Variants in NCKAP5 observed in about 807,000 individuals in gnomAD.
NCKAP5 encodes nck-associated protein 5.
Under a neutral mutation model 167.0 loss-of-function variants are expected in NCKAP5, and 92 were observed. That is an observed-to-expected ratio of 0.55 (90% CI 0.47 to 0.66). The LOEUF (loss-of-function observed/expected upper bound fraction) is 0.66, where lower values mean the gene tolerates loss of function less well. Ranked by LOEUF, NCKAP5 falls within the 30% of genes least tolerant of loss-of-function variation. The pLI is 0.00. For missense variants in NCKAP5, 2,378 were observed against 2,315.0 expected (o/e 1.03, Z -0.56); for synonymous variants, 891 against 877.4 (o/e 1.02, Z -0.27).
At chr2:132,849,925 A>G (rs1474970279) in intron 11 of NCKAP5, among the ~76,000 whole-genome samples, 1 of 152,198 alleles carries the variant, frequency 6.6e-6, no homozygotes, top group African/African-American at 2.4e-5. Context: ...CCCATGGCGT[A>G]GTAGAAAGGG....
At chr2:132,772,764 T>A (rs184947728) in intron 16 of NCKAP5, among the ~76,000 whole-genome samples, 1 of 152,244 alleles carries the variant, frequency 6.6e-6, no homozygotes, top group Non-Finnish European at 1.5e-5. Flanking sequence ...AATAATGGCA[T>A]GCCAGTCTCA....
At chr2:132,968,260 G>A (rs953746527) in intron 7 of NCKAP5, among the ~76,000 whole-genome samples, 1 of 152,198 alleles carries the variant, frequency 6.6e-6, no homozygotes, top group Non-Finnish European at 1.5e-5. Context: ...CCTGACTGCT[G>A]CAATGGAGAA....
intron 3 of NCKAP5, among the ~76,000 whole-genome samples, chr2:133,411,972 T>C (rs1364687385): frequency 1.3e-5 from 2 of 152,184 alleles, no homozygotes; most frequent in East Asian, 3.9e-4. Context: ...TGTTCCTCCC[T>C]CTAACTCCTG....
chr2:132,779,556 G>A (rs905575907), intron 15 of NCKAP5, among the ~76,000 whole-genome samples: 10 of 151,170 alleles, frequency 6.6e-5, no homozygotes, highest in African/African-American at 2.4e-4. Context: ...TTCAAAGAAG[G>A]GATGATACCA....
At position 133,471,560 on chromosome 2, in the gene NCKAP5, G is replaced by T. The variant is rs566536462; in HGVS notation, c.69+45898C>A. ...GAGGGGGGAAGCAAGCAGGCAGAGG[G>T]TCTCAAGCTGTGGGTTGGTTGGGGT... On this transcript the variant is annotated intron_variant, in intron 3 of 19. Transcript: ENST00000409261. 6.6e-5 allele frequency among the ~76,000 whole-genome samples: 10 copies of T among 152,220 alleles called. No individual in the cohort carries two copies. The South Asian group carries it at 1.9e-3, about 28-fold the overall frequency.
At chr2:133,052,218 C>A (rs2079629017) in intron 6 of NCKAP5, among the ~76,000 whole-genome samples, 1 of 152,152 alleles carries the variant, frequency 6.6e-6, no homozygotes, top group Non-Finnish European at 1.5e-5. Context: ...ACCTCTGTGC[C>A]ATCTACAGTA....
intron 4 of NCKAP5, among the ~76,000 whole-genome samples, chr2:133,242,119 C>CA (rs1176776551): frequency 0.05 from 2,384 of 47,390 alleles, 110 homozygotes; most frequent in African/African-American, 0.099. Flanking sequence ...AACTCTGTCT[C>CA]AAAAAAAAAA....
At chr2:132,846,097 T>A (rs189823325) in intron 11 of NCKAP5, among the ~76,000 whole-genome samples, 1 of 152,266 alleles carries the variant, frequency 6.6e-6, no homozygotes, top group African/African-American at 2.4e-5. Context: ...ATATAAGAAA[T>A]ATATCGGCTC....
chr2:133,639,989 T>C, the NCKAP5 span, among the ~76,000 whole-genome samples: 2 of 152,186 alleles, frequency 1.3e-5, no homozygotes, highest in Non-Finnish European at 2.9e-5. Flanking sequence ...ACATACTATA[T>C]AATATTGCTT....
chr2:132,907,717 G>C (rs976931049), intron 8 of NCKAP5, among the ~76,000 whole-genome samples: 1 of 152,074 alleles, frequency 6.6e-6, no homozygotes. Flanking sequence ...GAGTTCAGTG[G>C]CACGATCTTG....
intron 19 of NCKAP5, among the ~76,000 whole-genome samples, chr2:132,700,997 T>C (rs1015183042): frequency 3.3e-5 from 5 of 151,984 alleles, no homozygotes; most frequent in African/African-American, 4.8e-5. Flanking sequence ...TTAATCGGTC[T>C]AGAATTTAGT....
In NCKAP5 at chr2:133,005,023, G is replaced by A. The variant is rs539670249; in HGVS notation, c.342-10784C>T. On this transcript the variant is annotated intron_variant, in intron 6 of 19. Transcript: ENST00000409261. Reference sequence around the variant, plus strand: ...CTTATGGTTATCTCCCTTGTTCCCTGAAAATCACTGTTATCCTGTTCTTTT... The same window carrying A: ...CTTATGGTTATCTCCCTTGTTCCCTAAAAATCACTGTTATCCTGTTCTTTT... Among the ~76,000 whole-genome samples the A allele has an allele frequency of 7.8e-4, 119 of 152,294 alleles. 1 individual carries two copies. The highest frequency in any genetic ancestry group is 2.6e-3 in the African/African-American group (109 of 41,564).
chr2:133,647,473 G>GAAGGAAAGGAAAGGAAAGGA, the NCKAP5 span, among the ~76,000 whole-genome samples: 2,219 of 62,560 alleles, frequency 0.035, 81 homozygotes, highest in East Asian at 0.057. Flanking sequence ...AAGGGCAAGG[G>GAAGGAAAGGAAAGGAAAGGA]AAGGAAAGGA....
intron 5 of NCKAP5, among the ~76,000 whole-genome samples, chr2:133,160,180 A>G (rs559834180): frequency 6.6e-6 from 1 of 152,126 alleles, no homozygotes; most frequent in Non-Finnish European, 1.5e-5. Context: ...GTCTGAAACT[A>G]AGGTATCAGC....
intron 7 of NCKAP5, among the ~76,000 whole-genome samples, chr2:132,968,942 G>A (rs10170942): frequency 0.048 from 7,238 of 152,208 alleles, 598 homozygotes; most frequent in African/African-American, 0.17. Context: ...GGGAATGTAC[G>A]AAGAGATTTC....
At chr2:133,234,549 T>C (rs377127827) in intron 4 of NCKAP5, among the ~76,000 whole-genome samples, 1 of 152,280 alleles carries the variant, frequency 6.6e-6, no homozygotes, top group African/African-American at 2.4e-5. Context: ...TACTGACCAC[T>C]GTATGTTCTT....
intron 11 of NCKAP5, among the ~76,000 whole-genome samples, chr2:132,815,202 C>T (rs1029797930): frequency 6.6e-6 from 1 of 152,038 alleles, no homozygotes; most frequent in Admixed American, 6.5e-5. Flanking sequence ...TCATATTATA[C>T]CATGTGCAGT....
At chr2:133,640,807 C>T in the NCKAP5 span, among the ~76,000 whole-genome samples, 2 of 152,152 alleles carry the variant, frequency 1.3e-5, no homozygotes, top group Non-Finnish European at 2.9e-5. Flanking sequence ...TCAAATTCAC[C>T]TTTATTGAAA....
intron 5 of NCKAP5, among the ~76,000 whole-genome samples, chr2:133,196,282 C>T (rs1042705203): frequency 6.6e-6 from 1 of 152,092 alleles, no homozygotes; most frequent in Non-Finnish European, 1.5e-5. Flanking sequence ...GGAACAGGAA[C>T]CCCTGAGGTA....
Sources: allele counts gnomAD v4.1 joint callset (sites outside exome capture counted in the v4.1 genomes callset), GRCh38; gene constraint gnomAD v4.1.1; transcripts MANE v1.5; gene names NCBI Gene and HGNC (gene_info 2026-07-23, HGNC 2026-07-21).